Variants in TSNARE1 observed in about 807,000 individuals in gnomAD.
TSNARE1 encodes the protein t-SNARE domain containing 1.
Under a neutral mutation model 62.0 loss-of-function variants are expected in TSNARE1, and 49 were observed. The observed-to-expected ratio is 0.79, with a 90% confidence interval of 0.63 to 1.00. The LOEUF (loss-of-function observed/expected upper bound fraction) is 1.00, where lower values mean the gene tolerates loss of function less well. TSNARE1 is among the 50% of genes least tolerant of loss of function. The probability of loss-of-function intolerance (pLI) is 0.00; values close to 1 mark genes in which losing one functional copy is unlikely to be tolerated. For synonymous variants in TSNARE1, 328 were observed against 294.4 expected (o/e 1.11, Z -1.17); for missense variants, 755 against 700.1 (o/e 1.08, Z -0.88).
At chr8:142,226,403 C>T (rs952014041) in intron 13 of TSNARE1, among the ~76,000 whole-genome samples, 133 of 152,292 alleles carry the variant, frequency 8.7e-4, no homozygotes, top group African/African-American at 3.0e-3. Flanking sequence ...AATCGAGCTA[C>T]GGTTGGCGCC....
chr8:142,218,084 G>A lies in TSNARE1; in HGVS notation c.*12-5771C>T, dbSNP rs1218249500. On this transcript the variant is annotated intron_variant, in intron 13 of 13. Transcript: ENST00000524325. Reference sequence around the variant, plus strand: ...AGTGTGAGCAGGATCAGGGTTCAGAGAGTGGCCAGGTCAGGGCTCAGTGTG... The same window carrying A: ...AGTGTGAGCAGGATCAGGGTTCAGAAAGTGGCCAGGTCAGGGCTCAGTGTG... Among the ~76,000 whole-genome samples the A allele has an allele frequency of 8.3e-5, 6 of 72,418 alleles. 3 individuals carry two copies. The highest frequency in any genetic ancestry group is 4.0e-4 in the African/African-American group (6 of 14,830). The allele number at this position is 72,418 out of a possible 152,430, so 47.5% of individuals were successfully genotyped here.
chr8:142,284,243 G>A (rs539342089), intron 11 of TSNARE1, among the ~76,000 whole-genome samples, 170 bp downstream of exon 11: 116 of 152,142 alleles, frequency 7.6e-4, no homozygotes, highest in African/African-American at 2.5e-3. Context: ...CAGGGCTGGA[G>A]GAAGACAGGG....
rs1024232669 is a variant in TSNARE1, at chr8:142,315,107, C to T, written c.985-15G>A. 7 of 1,613,822 alleles carry T rather than the reference C, an allele frequency of 4.3e-6. No individual in the cohort carries two copies. In the African/African-American group the frequency reaches 8.0e-5, roughly 18 times the overall value. On this transcript the variant is annotated splice_polypyrimidine_tract_variant and intron_variant, in intron 7 of 13. Transcript: ENST00000524325. Reference sequence around the variant, plus strand: ...AGACGCTCCTGCTGCAGAGAAGGTACAGCTGGCACGGCATGGGAGGCTTGG... The same window carrying T: ...AGACGCTCCTGCTGCAGAGAAGGTATAGCTGGCACGGCATGGGAGGCTTGG...
chr8:142,318,944 GAGACAGGC>G (rs1829030859), intron 6 of TSNARE1, among the ~76,000 whole-genome samples: 2 of 151,850 alleles, frequency 1.3e-5, no homozygotes, highest in South Asian at 4.2e-4. Context: ...AGGACAGGGA[GAGACAGGC>G]AGACACCCAG....
At chr8:142,223,296 A>ACCC (rs1816569925) in intron 13 of TSNARE1, among the ~76,000 whole-genome samples, 5 of 109,590 alleles carry the variant, frequency 4.6e-5, no homozygotes, top group Admixed American at 9.6e-5. Context: ...ATACTCACTC[A>ACCC]ACCACTCACT....
rs958681922 is a variant in TSNARE1 at position 142,319,482 on chromosome 8, C to T, written c.894-848G>A. On this transcript the variant is annotated intron_variant, in intron 6 of 13. Coordinates refer to ENST00000524325, the MANE Select transcript of TSNARE1 (RefSeq NM_145003.5). The surrounding 1 kb of genome is among the most constrained non-coding windows in gnomAD (Gnocchi z 4.9). ...CGTCTCCCGCTTGGGGTTCGCCACC[C>T]CCATCCCTGGAGAGAGGAGCACCAG... Among the ~76,000 whole-genome samples the T allele has an allele frequency of 5.9e-5, 9 of 152,238 alleles. No individual in the cohort carries two copies. The highest frequency in any genetic ancestry group is 2.2e-4 in the African/African-American group (9 of 41,546).
chr8:142,270,389 T>C (rs1341418900), intron 12 of TSNARE1: 5 of 985,242 alleles, frequency 5.1e-6, no homozygotes, highest in Admixed American at 6.2e-5. Context: ...GCTTTGTCAT[T>C]TTATGCTTAT....
At chr8:142,266,344 A>G (rs1367285221) in intron 12 of TSNARE1, among the ~76,000 whole-genome samples, 1 of 152,222 alleles carries the variant, frequency 6.6e-6, no homozygotes, top group Non-Finnish European at 1.5e-5. Flanking sequence ...TGCATTACAC[A>G]TACTCTTTCT....
At chr8:142,261,015 A>G in intron 12 of TSNARE1, among the ~76,000 whole-genome samples, 1 of 67,342 alleles carries the variant, frequency 1.5e-5, no homozygotes, top group Non-Finnish European at 3.1e-5. Flanking sequence ...GAGGGAGGAG[A>G]GGAGACAGGG....
intron 10 of TSNARE1, among the ~76,000 whole-genome samples, chr8:142,292,018 G>T (rs1003147828): frequency 4.6e-5 from 7 of 151,890 alleles, no homozygotes; most frequent in Non-Finnish European, 7.4e-5. Context: ...ACACTGTAGG[G>T]TTTCTGAGGC....
chr8:142,301,003 G>A (rs369222223), intron 9 of TSNARE1, among the ~76,000 whole-genome samples: 3 of 82,108 alleles, frequency 3.7e-5, no homozygotes, highest in African/African-American at 1.0e-4. Flanking sequence ...AGGTGCACAC[G>A]TTCATACCGA....
intron 13 of TSNARE1, among the ~76,000 whole-genome samples, chr8:142,221,192 G>A (rs548781157): frequency 1.3e-5 from 2 of 152,200 alleles, no homozygotes; most frequent in Non-Finnish European, 2.9e-5. Context: ...CTGTGGCGAG[G>A]AGTCAGTGAG....
At chr8:142,277,022 T>A in intron 11 of TSNARE1, 1 of 985,362 alleles carries the variant, frequency 1.0e-6, no homozygotes, top group Non-Finnish European at 1.2e-6. Context: ...GTGTTGCTCG[T>A]GGGGTGAGGA....
Position 142,314,421 on chromosome 8 carries a change from C to G in TSNARE1, c.1094G>C (p.Arg365Thr). 1 of 1,614,016 alleles carries G rather than the reference C, an allele frequency of 6.2e-7. No individual in the cohort carries two copies. Reference protein sequence around the residue: ...VVQKKIAEKSRALLPMAQRGS... With the variant: ...VVQKKIAEKSTALLPMAQRGS... Reference sequence around the variant, plus strand: ...CCTCTGCGCCATGGGAAGCAGCGCTCTGGACTTTTCTGCAATTTTCTGTTG... The same window carrying G: ...CCTCTGCGCCATGGGAAGCAGCGCTGTGGACTTTTCTGCAATTTTCTGTTG... Residue 365 changes from arginine to threonine, a missense_variant, in exon 9 of 14, where the codon AGA becomes ACA. Physicochemically the swap from Arg to Thr is moderately conservative, Grantham distance 71. Transcript: ENST00000524325.
chr8:142,256,203 CACT>C (rs1253564210), intron 12 of TSNARE1, among the ~76,000 whole-genome samples: 3 of 121,158 alleles, frequency 2.5e-5, no homozygotes, highest in African/African-American at 9.3e-5. Context: ...TCACCACCAC[CACT>C]GTCACCATCA....
At chr8:142,362,409 C>G (rs550453919) in intron 1 of TSNARE1, among the ~76,000 whole-genome samples, 3 of 152,336 alleles carry the variant, frequency 2.0e-5, no homozygotes, top group African/African-American at 7.2e-5. Context: ...TGTATAATCC[C>G]TAAAAGCATT....
At position 142,274,808 on chromosome 8, in the gene TSNARE1, C is replaced by T. The variant is rs199512119; in HGVS notation, c.1419G>A (p.Gln473=). 2.7e-5 allele frequency: 43 copies of T among 1,579,372 alleles called. No individual in the cohort carries two copies. The highest frequency in any genetic ancestry group is 3.2e-5 in the Non-Finnish European group (37 of 1,163,712). Residue 473 remains glutamine, a synonymous_variant, in exon 12 of 14, where the codon CAG becomes CAA. Coordinates refer to ENST00000524325, the MANE Select transcript of TSNARE1 (RefSeq NM_145003.5). Reference sequence around the variant, plus strand: ...GGTGCCGGCTGGCTCCAGCCAGGAGCTGGCGGGCTGCCTCCGCATGCGAGG... The same window carrying T: ...GGTGCCGGCTGGCTCCAGCCAGGAGTTGGCGGGCTGCCTCCGCATGCGAGG... ...AASSHAEAAR[Q]LLAGASRHQL...
At chr8:142,277,779 T>A in intron 11 of TSNARE1, 1 of 985,266 alleles carries the variant, frequency 1.0e-6, no homozygotes, top group Non-Finnish European at 1.2e-6. Flanking sequence ...AAGTCGAGGC[T>A]GGGTCTCAGT....
chr8:142,381,470 C>T (rs528080012), intron 1 of TSNARE1, among the ~76,000 whole-genome samples: 1 of 151,812 alleles, frequency 6.6e-6, no homozygotes, highest in Admixed American at 6.6e-5. Flanking sequence ...CTATCAGCGC[C>T]CCCCCCCACC....
Sources: allele counts gnomAD v4.1 joint callset (sites outside exome capture counted in the v4.1 genomes callset), GRCh38; gene constraint gnomAD v4.1.1; non-coding constraint Gnocchi (gnomAD v3.1); transcripts MANE v1.5; gene names NCBI Gene and HGNC (gene_info 2026-07-23, HGNC 2026-07-21).